The following RECK variants were observed in gnomAD, a reference collection of about 807,000 sequenced individuals.
RECK encodes the protein reversion-inducing cysteine-rich protein with Kazal motifs.
A neutral mutation model predicts 115.1 loss-of-function variants in RECK; 69 were observed. The ratio of observed to expected loss-of-function variants is 0.60; its 90% CI spans 0.49 to 0.73. The LOEUF (loss-of-function observed/expected upper bound fraction) is 0.73. Ranked by LOEUF, RECK falls within the 30% of genes least tolerant of loss-of-function variation. The probability of loss-of-function intolerance (pLI) is 0.00; values close to 1 mark genes in which losing one functional copy is unlikely to be tolerated. For missense variants in RECK, 1,047 were observed against 1,203.7 expected, an observed-to-expected ratio of 0.87 and a Z score of 1.93; for synonymous variants, 414 against 419.7, an observed-to-expected ratio of 0.99 and a Z score of 0.17.
In RECK at chr9:36,095,767, T is replaced by G. The variant is rs193170980; in HGVS notation, c.1085+4424T>G. Among the ~76,000 whole-genome samples the G allele has an allele frequency of 4.1e-4, 62 of 151,114 alleles. 1 individual carries two copies. Among genetic ancestry groups the G allele is most frequent in the Non-Finnish European group, 3.0e-5 (2 of 67,790 alleles). On this transcript the variant is annotated intron_variant, in intron 10 of 20. Transcript: ENST00000377966. ...GCCTGGGCAACATGGTGAAACACCA[T>G]CAATCAAAAATACAAAATATTGGCC...
intron 1 of RECK, among the ~76,000 whole-genome samples, chr9:36,050,958 G>A (rs1396169084): frequency 6.6e-6 from 1 of 151,746 alleles, no homozygotes; most frequent in African/African-American, 2.4e-5. Flanking sequence ...TTTTATTATT[G>A]CCATAACATT....
At chr9:36,110,154 T>C in intron 15 of RECK, 75 bp downstream of exon 15, 1 of 1,495,832 alleles carries the variant, frequency 6.7e-7, no homozygotes, top group Non-Finnish European at 9.1e-7. Context: ...CAAGGCAGCT[T>C]CTCCAGTCTT....
At chr9:36,095,538 T>C (rs551588837) in intron 10 of RECK, among the ~76,000 whole-genome samples, 2 of 152,356 alleles carry the variant, frequency 1.3e-5, no homozygotes, top group African/African-American at 4.8e-5. Context: ...TATTGTCCTG[T>C]GTCACTCAGA....
chr9:36,123,088 T>G lies in RECK; in HGVS notation c.*43T>G. On this transcript the variant is annotated 3_prime_UTR_variant, in exon 21 of 21. Transcript: ENST00000377966. ...AGAATGCTCCTCCACCTCACTCTCC[T>G]GCCTTGAAAAAGACATTCAGGACTG... 1 of 1,505,166 alleles carries G rather than the reference T, an allele frequency of 6.6e-7. No homozygotes were observed. The highest frequency in any genetic ancestry group is 9.1e-7 in the Non-Finnish European group (1 of 1,096,768). The allele number at this position is 1,505,166 out of a possible 1,614,324, so 93.2% of individuals were successfully genotyped here. A position where few individuals can be genotyped will look rare whatever the true frequency, so the allele number is the denominator to read the frequency against.
At position 36,080,633 on chromosome 9, in the gene RECK, A is replaced by G; in HGVS notation, c.434A>G (p.Asn145Ser). 1 of 1,610,252 alleles carries G rather than the reference A, an allele frequency of 6.2e-7. No individual in the cohort carries two copies. The highest frequency in any genetic ancestry group is 8.5e-7 in the Non-Finnish European group (1 of 1,178,006). Residue 145 changes from asparagine to serine, a missense_variant, in exon 7 of 21, where the codon AAT (asparagine) becomes AGT (serine). Asn to Ser is a conservative substitution (Grantham distance 46, BLOSUM62 1). Transcript: ENST00000377966. ...GCTCTTTTCAGTTGCATTAGCAGAA[A>G]TGAAAGTAAGTATATTTGTCAATGG... Reference protein sequence around the residue: ...ENALFSCISRNEMGSVCCSYA... With the variant: ...ENALFSCISRSEMGSVCCSYA...
intron 6 of RECK, among the ~76,000 whole-genome samples, chr9:36,079,046 C>T (rs192332768): frequency 1.3e-5 from 2 of 152,070 alleles, no homozygotes; most frequent in African/African-American, 4.8e-5. Context: ...CAGGCATGCA[C>T]CACCACGCCC....
rs777066504 is a variant in RECK, at chr9:36,102,175, GCTT to G, written c.1383_1385del (p.Leu462del). 2 of 1,613,506 alleles carry G rather than the reference GCTT, an allele frequency of 1.2e-6. No individual in the cohort carries two copies. The highest frequency in any genetic ancestry group is 2.2e-5 in the South Asian group (2 of 91,070). ...ACCACACAGCTGAAAGTATTTGTGA[GCTT>G]CTGTCACCTACAGATGATCTGAAGA... On this transcript the variant is annotated inframe_deletion, in exon 12 of 21. Transcript: ENST00000377966.
intron 17 of RECK, 148 bp from the exon 18 acceptor site, chr9:36,118,609 T>C (rs1261984005): frequency 2.9e-6 from 2 of 698,484 alleles, no homozygotes; most frequent in Non-Finnish European, 4.7e-6. Context: ...CCCCAGCATT[T>C]AGCCCACCTC....
At chr9:36,108,373 T>A (rs377095351) in intron 14 of RECK, among the ~76,000 whole-genome samples, 2 of 152,204 alleles carry the variant, frequency 1.3e-5, no homozygotes, top group East Asian at 3.8e-4. Flanking sequence ...TAATAATTAA[T>A]ATTTATTGAA....
chr9:36,115,750 C>G (rs1283018507), intron 16 of RECK, among the ~76,000 whole-genome samples: 1 of 152,166 alleles, frequency 6.6e-6, no homozygotes, highest in Non-Finnish European at 1.5e-5. Flanking sequence ...GAGTATAAAT[C>G]ATTTCCTTTG....
intron 9 of RECK, 53 bp downstream of exon 9, chr9:36,088,014 A>C: frequency 7.2e-7 from 1 of 1,379,994 alleles, no homozygotes; most frequent in Non-Finnish European, 1.0e-6. Flanking sequence ...CATTTTAATT[A>C]ATGATTTTAA....
At chr9:36,100,977 T>G (rs889546391) in intron 11 of RECK, among the ~76,000 whole-genome samples, 3 of 151,322 alleles carry the variant, frequency 2.0e-5, no homozygotes, top group African/African-American at 7.3e-5. Flanking sequence ...TGTTTTGTGT[T>G]TTTTTTTTGA....
chr9:36,056,674 G>C (rs1216156773), intron 2 of RECK, among the ~76,000 whole-genome samples: 3 of 152,164 alleles, frequency 2.0e-5, no homozygotes, highest in Non-Finnish European at 4.4e-5. Context: ...TGCTTAAAGA[G>C]ACTGAGGAAC....
At chr9:36,042,808 T>C (rs943544652) in intron 1 of RECK, among the ~76,000 whole-genome samples, 5 of 152,258 alleles carry the variant, frequency 3.3e-5, no homozygotes, top group Admixed American at 2.0e-4. Flanking sequence ...TGTAAAAGTG[T>C]TCCCTTTTCA....
intron 2 of RECK, among the ~76,000 whole-genome samples, chr9:36,054,179 G>A (rs1234790259): frequency 6.6e-6 from 1 of 152,158 alleles, no homozygotes; most frequent in Non-Finnish European, 1.5e-5. Context: ...TCTTCAACCA[G>A]TAGGGAATGC....
At position 36,058,140 on chromosome 9, in the gene RECK, A is replaced by G. The variant is rs1821605000; in HGVS notation, c.160-687A>G. On this transcript the variant is annotated intron_variant, in intron 2 of 20. Coordinates refer to ENST00000377966, the MANE Select transcript of RECK (RefSeq NM_021111.3). ...ACTAGAAATACCATTTGACCCAGCC[A>G]TCCCATTACTGGGTATATACCCAAA... Among the ~76,000 whole-genome samples, 3 of 151,108 alleles carry G rather than the reference A, an allele frequency of 2.0e-5. 1 individual carries two copies. The South Asian group carries it at 6.3e-4, about 32-fold the overall frequency.
intron 7 of RECK, among the ~76,000 whole-genome samples, chr9:36,082,559 C>G (rs1483964638): frequency 6.6e-6 from 1 of 152,148 alleles, no homozygotes. Context: ...TGTTCTTCTC[C>G]TTTACAGATC....
At chr9:36,054,360 A>G (rs76978656) in intron 2 of RECK, among the ~76,000 whole-genome samples, 3,874 of 152,246 alleles carry the variant, frequency 0.025, 172 homozygotes, top group African/African-American at 0.087. Context: ...TTTTGGAATT[A>G]GAATTTAGAT....
intron 6 of RECK, chr9:36,066,848 T>C (rs1822021925): frequency 3.1e-6 from 4 of 1,289,114 alleles, no homozygotes; most frequent in Non-Finnish European, 4.0e-6. Flanking sequence ...CAGTATGTGT[T>C]GATGAAGGAC....
Sources: allele counts gnomAD v4.1 joint callset (sites outside exome capture counted in the v4.1 genomes callset), GRCh38; gene constraint gnomAD v4.1.1; transcripts MANE v1.5; gene names NCBI Gene and HGNC (gene_info 2026-07-23, HGNC 2026-07-21).